The following SLC4A7 variants were observed in gnomAD, a reference collection of about 807,000 sequenced individuals.
SLC4A7 encodes sodium bicarbonate cotransporter 3.
Under a neutral mutation model 137.6 loss-of-function variants are expected in SLC4A7, and 51 were observed. The ratio of observed to expected loss-of-function variants is 0.37; its 90% CI spans 0.30 to 0.47. The LOEUF is 0.47. Ranked by LOEUF, SLC4A7 falls within the 20% of genes least tolerant of loss-of-function variation. SLC4A7 has a pLI of 1.00. For synonymous variants in SLC4A7, 542 were observed against 518.6 expected, an observed-to-expected ratio of 1.05 and a Z score of -0.61; for missense variants, 1,247 against 1,525.4, an observed-to-expected ratio of 0.82 and a Z score of 3.04.
chr3:27,441,352 C>G (rs1220762088), intron 3 of SLC4A7, among the ~76,000 whole-genome samples: 1 of 152,046 alleles, frequency 6.6e-6, no homozygotes, highest in Non-Finnish European at 1.5e-5. Context: ...GAAGTGTTCC[C>G]TCCTCTTATG....
chr3:27,448,736 A>G lies in SLC4A7; in HGVS notation c.204T>C (p.His68=). 6.2e-7 allele frequency: 1 copy of G among 1,613,352 alleles called. No homozygotes were observed. The highest frequency in any genetic ancestry group is 8.5e-7 in the Non-Finnish European group (1 of 1,179,410). Residue 68 remains histidine (H), a synonymous_variant, in exon 3 of 26, where the codon CAT becomes CAC. Coordinates refer to ENST00000454389, the MANE Select transcript of SLC4A7 (RefSeq NM_001321103.2). Reference sequence around the variant, plus strand: ...GGTGATGTTTGTGTCCGCGATGCCTATGACGCCGACGACTCTCTTTACTAA... The same window carrying G: ...GGTGATGTTTGTGTCCGCGATGCCTGTGACGCCGACGACTCTCTTTACTAA... ...VPFSKESRRR[H]RHRGHKHHHR... is the part of the protein sequence containing the mutation.
chr3:27,451,972 T>C (rs998729752), intron 2 of SLC4A7, among the ~76,000 whole-genome samples: 17 of 152,136 alleles, frequency 1.1e-4, no homozygotes, highest in East Asian at 5.8e-4. Context: ...GGAAGAAAGA[T>C]GGGCAAATAA....
intron 17 of SLC4A7, 81 bp from the exon 18 acceptor site, chr3:27,397,878 A>G: frequency 1.3e-6 from 1 of 799,032 alleles, no homozygotes; most frequent in East Asian, 2.7e-5. Flanking sequence ...TTATTGATAA[A>G]ATTGTCACTA....
intron 3 of SLC4A7, among the ~76,000 whole-genome samples, chr3:27,447,637 GC>G (rs937208131): frequency 1.8e-5 from 2 of 112,068 alleles, no homozygotes; most frequent in African/African-American, 6.7e-5. Flanking sequence ...AGGTTTTACA[GC>G]CCTTTTTTTT....
intron 11 of SLC4A7, among the ~76,000 whole-genome samples, chr3:27,418,059 A>G (rs2054565924): frequency 6.6e-6 from 1 of 152,192 alleles, no homozygotes; most frequent in African/African-American, 2.4e-5. Context: ...CATGGTTTGA[A>G]ATAGCAAAAG....
intron 1 of SLC4A7, among the ~76,000 whole-genome samples, chr3:27,470,103 T>C (rs1178359831): frequency 6.6e-6 from 1 of 152,228 alleles, no homozygotes; most frequent in African/African-American, 2.4e-5. Context: ...TCAATTGCCA[T>C]AGCATTAAAG....
At chr3:27,452,638 C>A (rs2058150721) in intron 1 of SLC4A7, 140 bp from the exon 2 acceptor site, 1 of 459,024 alleles carries the variant, frequency 2.2e-6, no homozygotes, top group Non-Finnish European at 3.8e-6. Flanking sequence ...TAATTGCATT[C>A]TTTTAAAATT....
chr3:27,411,726 A>G lies in SLC4A7; in HGVS notation c.1682T>C (p.Phe561Ser). Reference sequence around the variant, plus strand: ...CAGTGTGGGGGTAGATCCATTGTGAAACACAGGAATCTTTCTCTTTTCCTG... The same window carrying G: ...CAGTGTGGGGGTAGATCCATTGTGAGACACAGGAATCTTTCTCTTTTCCTG... ...PSQEKRKIPVFHNGSTPTLGE... is the reference protein window; with the variant it reads ...PSQEKRKIPVSHNGSTPTLGE... Residue 561 changes from phenylalanine to serine, a missense_variant, in exon 12 of 26, where the codon TTT becomes TCT. Transcript: ENST00000454389. 6.5e-7 allele frequency: 1 copy of G among 1,539,640 alleles called. No homozygotes were observed. The highest frequency in any genetic ancestry group is 8.8e-7 in the Non-Finnish European group (1 of 1,141,168).
At chr3:27,415,242 A>C (rs1449094339) in intron 11 of SLC4A7, among the ~76,000 whole-genome samples, 1 of 152,218 alleles carries the variant, frequency 6.6e-6, no homozygotes, top group African/African-American at 2.4e-5. Context: ...TTTAAAAGGC[A>C]GTCCCTTACT....
chr3:27,403,199 T>G lies in SLC4A7; in HGVS notation c.2261A>C (p.Asp754Ala). 1 of 1,613,898 alleles carries G rather than the reference T, an allele frequency of 6.2e-7. No individual in the cohort carries two copies. Among genetic ancestry groups the G allele is most frequent in the Non-Finnish European group, 8.5e-7 (1 of 1,179,922 alleles). The change falls in exon 15 of 26, where the codon GAT (aspartate) becomes GCT (alanine). Residue 754 changes from aspartate (D) to alanine (A), a missense_variant. By Grantham distance (126) the Asp-to-Ala change is moderately radical. Transcript: ENST00000454389. ...ATTAAATGCATATGTTTCTCCTAAATCAAAGAGCTTCTCCAAAGCCTCGTA... is the reference window on the plus strand; with the variant it reads ...ATTAAATGCATATGTTTCTCCTAAAGCAAAGAGCTTCTCCAAAGCCTCGTA... ...FIYEALEKLF[D>A]LGETYAFNMH... is the part of the protein sequence containing the mutation.
At chr3:27,444,142 C>T (rs2057420207) in intron 3 of SLC4A7, among the ~76,000 whole-genome samples, 1 of 152,124 alleles carries the variant, frequency 6.6e-6, no homozygotes, top group Admixed American at 6.6e-5. Context: ...TGTTTATTTA[C>T]TCTATCAGAG....
intron 1 of SLC4A7, among the ~76,000 whole-genome samples, chr3:27,469,086 G>A (rs771454261): frequency 6.6e-6 from 1 of 151,488 alleles, no homozygotes; most frequent in African/African-American, 2.4e-5. Flanking sequence ...CAGCCTGGGC[G>A]ACAGAGGGAG....
chr3:27,473,096 A>G (rs1447065920), intron 1 of SLC4A7, among the ~76,000 whole-genome samples: 2 of 148,876 alleles, frequency 1.3e-5, no homozygotes, highest in Non-Finnish European at 3.0e-5. Context: ...AAAAAAAAGG[A>G]TTAGAATCAG....
intron 16 of SLC4A7, among the ~76,000 whole-genome samples, chr3:27,398,783 C>G (rs1467166584): frequency 6.6e-6 from 1 of 152,096 alleles, no homozygotes; most frequent in Admixed American, 6.6e-5. Context: ...ATACTATGCT[C>G]TTTTATGATG....
chr3:27,429,843 T>C (rs2056083548), intron 7 of SLC4A7, among the ~76,000 whole-genome samples: 2 of 150,792 alleles, frequency 1.3e-5, no homozygotes, highest in African/African-American at 2.4e-5. Flanking sequence ...AGTAAGAACC[T>C]GTCTCTCCAC....
chr3:27,427,085 AC>A (rs1238257045), intron 7 of SLC4A7, among the ~76,000 whole-genome samples: 1 of 152,104 alleles, frequency 6.6e-6, no homozygotes, highest in African/African-American at 2.4e-5. Flanking sequence ...AAAGATTATG[AC>A]CCCCAAGGGA....
At chr3:27,471,351 G>A (rs2059238450) in intron 1 of SLC4A7, among the ~76,000 whole-genome samples, 1 of 152,302 alleles carries the variant, frequency 6.6e-6, no homozygotes, top group East Asian at 1.9e-4. Context: ...AGCAGGCAGA[G>A]GCTAGTCAGG....
intron 11 of SLC4A7, among the ~76,000 whole-genome samples, chr3:27,416,576 G>A (rs2054404943): frequency 6.6e-6 from 1 of 152,100 alleles, no homozygotes; most frequent in Non-Finnish European, 1.5e-5. Flanking sequence ...AAGTTTGCAT[G>A]CAAATTTTTT....
intron 2 of SLC4A7, among the ~76,000 whole-genome samples, chr3:27,451,703 G>A (rs1267989071): frequency 6.6e-6 from 1 of 152,060 alleles, no homozygotes; most frequent in African/African-American, 2.4e-5. Context: ...GGCCATTAGT[G>A]GAAAAACTAG....
Sources: gnomAD v4.1 joint callset for allele counts (sites outside exome capture counted in the v4.1 genomes callset) on GRCh38, gnomAD v4.1.1 for gene constraint, MANE v1.5 for transcripts, NCBI Gene and HGNC (gene_info 2026-07-23, HGNC 2026-07-21) for gene names.